BTBD9: variants seen among roughly 807,000 people sequenced by gnomAD.
BTBD9 encodes the protein BTB domain containing 9.
BTBD9 carries 49 observed loss-of-function variants against 64.3 expected under a neutral mutation model. The observed-to-expected ratio is 0.76, with a 90% CI of 0.61 to 0.97. The LOEUF (loss-of-function observed/expected upper bound fraction) is 0.97. Among genes scored for constraint, BTBD9 ranks in the 50% least tolerant of loss-of-function variants. The pLI, the probability that BTBD9 is intolerant of heterozygous loss-of-function variation, is 0.00. For synonymous variants in BTBD9, 260 were observed against 274.7 expected (o/e 0.95, Z 0.53); for missense variants, 598 against 762.1 (o/e 0.78, Z 2.53).
At chr6:38,556,546 TGTGTGAGAGA>T (rs373522324) in intron 6 of BTBD9, among the ~76,000 whole-genome samples, 20,100 of 100,858 alleles carry the variant, frequency 0.2, 1,481 homozygotes, top group Non-Finnish European at 0.24. Flanking sequence ...TGTGTGTGTG[TGTGTGAGAGA>T]GAGAGAGAGA....
At chr6:38,249,594 T>C (rs774294259) in intron 9 of BTBD9, among the ~76,000 whole-genome samples, 7 of 152,028 alleles carry the variant, frequency 4.6e-5, no homozygotes, top group Admixed American at 6.6e-5. Flanking sequence ...CAAGCCATAA[T>C]TGGCTTCAGA....
chr6:38,294,057 C>T (rs769959658), intron 7 of BTBD9, among the ~76,000 whole-genome samples: 35 of 151,870 alleles, frequency 2.3e-4, no homozygotes, highest in Non-Finnish European at 4.7e-4. Context: ...TGCCAACAAA[C>T]GTATGAAAAA....
intron 6 of BTBD9, among the ~76,000 whole-genome samples, chr6:38,407,146 G>C (rs1336721362): frequency 6.6e-6 from 1 of 152,292 alleles, no homozygotes; most frequent in Non-Finnish European, 1.5e-5. Flanking sequence ...TTTCCTACAG[G>C]TTTGGAAAAG....
chr6:38,252,434 G>A (rs1764433740), intron 9 of BTBD9, among the ~76,000 whole-genome samples: 1 of 152,058 alleles, frequency 6.6e-6, no homozygotes, highest in Non-Finnish European at 1.5e-5. Context: ...CTTTAAAAAG[G>A]GAGGTACAAT....
At chr6:38,219,985 G>A (rs1466734038) in intron 9 of BTBD9, among the ~76,000 whole-genome samples, 2 of 152,160 alleles carry the variant, frequency 1.3e-5, no homozygotes, top group African/African-American at 4.8e-5. Context: ...GTGTTGATGT[G>A]GCTTTCTGTG....
At chr6:38,311,725 A>C (rs1762843258) in intron 7 of BTBD9, among the ~76,000 whole-genome samples, 1 of 152,118 alleles carries the variant, frequency 6.6e-6, no homozygotes, top group Non-Finnish European at 1.5e-5. Flanking sequence ...CCTTTTCCCC[A>C]CATCTTTGTC....
chr6:38,378,058 G>A (rs1391498560), intron 6 of BTBD9, among the ~76,000 whole-genome samples: 1 of 152,018 alleles, frequency 6.6e-6, no homozygotes, highest in Non-Finnish European at 1.5e-5. Context: ...CAAACAGTGT[G>A]AACTTCCGAA....
chr6:38,575,641 A>C (rs1775988801), intron 6 of BTBD9, among the ~76,000 whole-genome samples: 1 of 152,228 alleles, frequency 6.6e-6, no homozygotes, highest in African/African-American at 2.4e-5. Flanking sequence ...ATACTATCAA[A>C]ATTATAACCT....
At position 38,592,615 on chromosome 6, in the gene BTBD9, C is replaced by T; in HGVS notation, c.775G>A (p.Glu259Lys). Residue 259 changes from glutamate to lysine, a missense_variant, in exon 4 of 11, where the codon GAG (glutamate) becomes AAG (lysine). By Grantham distance (56) the Glu-to-Lys change is moderately conservative. Coordinates refer to ENST00000481247, the MANE Select transcript of BTBD9 (RefSeq NM_001099272.2). ...AILDAIKVRS[E>K]SRDMDLNYRG... is the part of the protein sequence containing the mutation. ...TAATTGAGGTCCATATCCCGGCTCTCAGATCGCACTTTAATGGCATCCAGG... is the reference window on the plus strand; with the variant it reads ...TAATTGAGGTCCATATCCCGGCTCTTAGATCGCACTTTAATGGCATCCAGG... 1 of 1,614,096 alleles carries T rather than the reference C, an allele frequency of 6.2e-7. No homozygotes were observed. Among genetic ancestry groups the T allele is most frequent in the Non-Finnish European group, 8.5e-7 (1 of 1,180,018 alleles).
chr6:38,204,910 A>G (rs962817720), intron 9 of BTBD9, among the ~76,000 whole-genome samples: 4 of 152,224 alleles, frequency 2.6e-5, no homozygotes, highest in Non-Finnish European at 5.9e-5. Flanking sequence ...GGAATAAATA[A>G]AATGATATGA....
rs547694640 is a variant in BTBD9, at chr6:38,638,255, T to C, written c.-28+1545A>G. Among the ~76,000 whole-genome samples the C allele has an allele frequency of 3.3e-5, 5 of 152,302 alleles. No individual in the cohort carries two copies. The South Asian group carries it at 1.0e-3, about 32-fold the overall frequency. ...CCTGCTACTTAACTTGGTTTTATAA[T>C]TATTTTATACATCTCCTAGCTAGAC... On this transcript the variant is annotated intron_variant, in intron 1 of 10. Coordinates refer to ENST00000481247, the MANE Select transcript of BTBD9 (RefSeq NM_001099272.2).
chr6:38,342,333 C>A (rs894143029), intron 7 of BTBD9, among the ~76,000 whole-genome samples: 1 of 151,684 alleles, frequency 6.6e-6, no homozygotes, highest in Non-Finnish European at 1.5e-5. Context: ...GTCAGGAGTT[C>A]GAGACCAGCC....
rs1228454659 is a variant in BTBD9 at position 38,184,761 on chromosome 6, C to T, written c.1641+7758G>A. On this transcript the variant is annotated intron_variant, in intron 10 of 10. Transcript: ENST00000481247. This position sits in a 1 kb window ranked among gnomAD's most constrained non-coding sequence, Gnocchi z 4.4. ...ATTATCACCATGCCAGGAAGGAGCA[C>T]TTGTTTCATTTTTTTCTTTAAGAGT... Among the ~76,000 whole-genome samples, 1 of 152,220 alleles carries T rather than the reference C, an allele frequency of 6.6e-6. No individual in the cohort carries two copies. Among genetic ancestry groups the T allele is most frequent in the South Asian group, 2.1e-4 (1 of 4,818 alleles).
chr6:38,389,162 G>A (rs79347120), intron 6 of BTBD9, among the ~76,000 whole-genome samples: 1 of 152,076 alleles, frequency 6.6e-6, no homozygotes, highest in Non-Finnish European at 1.5e-5. Flanking sequence ...ACATTTTAAA[G>A]ACATATATTA....
At chr6:38,468,511 C>G (rs568866661) in intron 6 of BTBD9, among the ~76,000 whole-genome samples, 49 of 152,330 alleles carry the variant, frequency 3.2e-4, no homozygotes, top group African/African-American at 1.1e-3. Context: ...AGGAAACCTT[C>G]CCTGCAAATA....
At chr6:38,229,661 T>C (rs1392776323) in intron 9 of BTBD9, among the ~76,000 whole-genome samples, 1 of 152,238 alleles carries the variant, frequency 6.6e-6, no homozygotes, top group African/African-American at 2.4e-5. Context: ...TTATTGAATT[T>C]GTGGCCAATC....
chr6:38,615,179 AT>A (rs1272133687), intron 1 of BTBD9, among the ~76,000 whole-genome samples: 1 of 152,154 alleles, frequency 6.6e-6, no homozygotes, highest in East Asian at 1.9e-4. Context: ...CTCAGGTGCC[AT>A]TTCCTCATGC....
At chr6:38,326,829 G>A (rs1261776218) in intron 7 of BTBD9, among the ~76,000 whole-genome samples, 2 of 151,804 alleles carry the variant, frequency 1.3e-5, no homozygotes, top group Admixed American at 1.3e-4. Context: ...CAGCCGTGGG[G>A]CCTGTCTGTA....
chr6:38,217,692 C>CT (rs796145470), intron 9 of BTBD9, among the ~76,000 whole-genome samples: 8 of 75,618 alleles, frequency 1.1e-4, no homozygotes, highest in East Asian at 5.0e-4. Context: ...TTATTTTTTT[C>CT]TTTTTTCTTT....
Sources: allele counts gnomAD v4.1 joint callset (sites outside exome capture counted in the v4.1 genomes callset), GRCh38; gene constraint gnomAD v4.1.1; non-coding constraint Gnocchi (gnomAD v3.1); transcripts MANE v1.5; gene names NCBI Gene and HGNC (gene_info 2026-07-23, HGNC 2026-07-21).